Variants in COMMD1 observed in about 807,000 individuals in gnomAD.
The protein encoded by COMMD1 is copper metabolism domain containing 1.
In COMMD1, 10 loss-of-function variants were observed where a neutral mutation model predicts 17.2. The observed-to-expected ratio is 0.58, with a 90% CI of 0.36 to 0.99. The LOEUF (loss-of-function observed/expected upper bound fraction) is 0.99, where lower values mean the gene tolerates loss of function less well. Ranked by LOEUF, COMMD1 falls within the 50% of genes least tolerant of loss-of-function variation. COMMD1 has a pLI of 0.01. For missense variants in COMMD1, 270 were observed against 231.8 expected, an observed-to-expected ratio of 1.17 and a Z score of -1.07; for synonymous variants, 97 against 91.6, an observed-to-expected ratio of 1.06 and a Z score of -0.34.
intron 2 of COMMD1, among the ~76,000 whole-genome samples, chr2:62,088,488 C>T (rs1364955627): frequency 2.0e-5 from 3 of 152,166 alleles, no homozygotes; most frequent in Non-Finnish European, 4.4e-5. Flanking sequence ...AACTTATAAT[C>T]CAGGCTGGAA....
intron 2 of COMMD1, among the ~76,000 whole-genome samples, chr2:62,103,318 A>G (rs1308277429): frequency 1.3e-5 from 2 of 152,194 alleles, no homozygotes; most frequent in Non-Finnish European, 2.9e-5. Flanking sequence ...TGTTGAACCT[A>G]CACACAAAAA....
chr2:62,001,168 T>C, intron 2 of COMMD1, 186 bp downstream of exon 2: 1 of 625,260 alleles, frequency 1.6e-6, no homozygotes. Context: ...GTCTGGAAAC[T>C]AGCCTCAGGG....
At chr2:62,135,808 A>G in intron 2 of COMMD1, 23 bp from the exon 3 acceptor site, 5 of 1,247,296 alleles carry the variant, frequency 4.0e-6, no homozygotes, top group Non-Finnish European at 5.9e-6. Flanking sequence ...TTTCCCTCTA[A>G]AATATCCTTT....
intron 2 of COMMD1, among the ~76,000 whole-genome samples, chr2:62,053,631 C>T (rs560048394): frequency 6.6e-6 from 1 of 152,188 alleles, no homozygotes; most frequent in South Asian, 2.1e-4. Flanking sequence ...ATTGAATTGA[C>T]GATAATCATC....
chr2:62,041,967 G>A (rs1670222447), intron 2 of COMMD1, among the ~76,000 whole-genome samples: 1 of 152,234 alleles, frequency 6.6e-6, no homozygotes, highest in Non-Finnish European at 1.5e-5. Context: ...GAGGACCTCA[G>A]CGGCTTGCCG....
intron 2 of COMMD1, among the ~76,000 whole-genome samples, chr2:62,086,040 A>T (rs1307121826): frequency 1.3e-5 from 2 of 151,858 alleles, no homozygotes; most frequent in Non-Finnish European, 2.9e-5. Context: ...GGTGGCACAC[A>T]CCTAGTCGCA....
intron 1 of COMMD1, among the ~76,000 whole-genome samples, chr2:61,960,108 A>AAT (rs1250709703): frequency 4.3e-5 from 6 of 140,450 alleles, no homozygotes; most frequent in African/African-American, 1.2e-4. Flanking sequence ...GCTGATTTGG[A>AAT]ATATATGTGT....
intron 1 of COMMD1, among the ~76,000 whole-genome samples, chr2:61,985,038 T>C (rs1213421109): frequency 1.3e-5 from 2 of 150,330 alleles, no homozygotes; most frequent in East Asian, 3.9e-4. Context: ...AGTCTATGTG[T>C]GTCTTTTTTT....
chr2:61,893,350 T>TA (rs1303238032), intron 1 of COMMD1, among the ~76,000 whole-genome samples: 2 of 151,710 alleles, frequency 1.3e-5, no homozygotes, highest in Non-Finnish European at 2.9e-5. Context: ...TTGGCAATAG[T>TA]AAAAAATAAA....
chr2:61,984,253 T>C (rs1672041299), intron 1 of COMMD1, among the ~76,000 whole-genome samples: 1 of 152,216 alleles, frequency 6.6e-6, no homozygotes, highest in Admixed American at 6.5e-5. Flanking sequence ...CTCGAACTCC[T>C]GACCTCAGGT....
intron 2 of COMMD1, among the ~76,000 whole-genome samples, chr2:62,039,629 T>C (rs2103891787): frequency 6.6e-6 from 1 of 152,344 alleles, no homozygotes; most frequent in African/African-American, 2.4e-5. Flanking sequence ...TACGTAGTTA[T>C]GGAAATATAG....
chr2:61,894,685 AT>A (rs1328544838), intron 1 of COMMD1, among the ~76,000 whole-genome samples: 4 of 150,120 alleles, frequency 2.7e-5, no homozygotes, highest in African/African-American at 9.8e-5. Context: ...ATATTTATAT[AT>A]TTTTTAATTA....
chr2:62,079,237 T>C (rs1671447289), intron 2 of COMMD1, among the ~76,000 whole-genome samples: 1 of 152,150 alleles, frequency 6.6e-6, no homozygotes. Flanking sequence ...AGCTACTCCA[T>C]AGACACAGTA....
In COMMD1 at chr2:62,078,011, C is replaced by T. The variant is rs990688025; in HGVS notation, c.463-57820C>T. Among the ~76,000 whole-genome samples, 14 of 152,192 alleles carry T rather than the reference C, an allele frequency of 9.2e-5. No homozygotes were observed. In the East Asian group the frequency reaches 2.7e-3, roughly 29 times the overall value. ...AATTGTGGGACTGGGCATAGTGGCTCAGGCCTATAATCACAGAACTTTGGG... is the reference window on the plus strand; with the variant it reads ...AATTGTGGGACTGGGCATAGTGGCTTAGGCCTATAATCACAGAACTTTGGG... On this transcript the variant is annotated intron_variant, in intron 2 of 2. Transcript: ENST00000311832.
At chr2:62,006,048 A>G (rs532880098) in intron 2 of COMMD1, among the ~76,000 whole-genome samples, 132 of 152,002 alleles carry the variant, frequency 8.7e-4, no homozygotes, top group Middle Eastern at 3.4e-3. Flanking sequence ...CTTTGTAGGG[A>G]CATGGATGAA....
At chr2:62,103,465 TTGGCCCCTACAGTATG>T (rs1426323071) in intron 2 of COMMD1, among the ~76,000 whole-genome samples, 3 of 152,252 alleles carry the variant, frequency 2.0e-5, no homozygotes, top group African/African-American at 4.8e-5. Context: ...CAGAGGGCCC[TTGGCCCCTACAGTATG>T]TGGCCCCTAC....
chr2:62,033,524 G>C (rs1669963863), intron 2 of COMMD1, among the ~76,000 whole-genome samples: 1 of 152,054 alleles, frequency 6.6e-6, no homozygotes, highest in South Asian at 2.1e-4. Context: ...CAGGTAGACT[G>C]CTTGAGCCCA....
chr2:62,113,152 C>T (rs1351334567), intron 2 of COMMD1, among the ~76,000 whole-genome samples: 1 of 151,484 alleles, frequency 6.6e-6, no homozygotes, highest in Non-Finnish European at 1.5e-5. Context: ...CAAGACTAGC[C>T]TGGGCAACAT....
chr2:61,979,747 A>AT lies in COMMD1; in HGVS notation c.181-20941dup, dbSNP rs200234500. On this transcript the variant is annotated intron_variant, in intron 1 of 2. Transcript: ENST00000311832. ...ATTGCCTGTCTTTTGGATATAAGTC[A>AT]TTTTTTTTTTTTTATTATACTCTAA... 8.5e-3 allele frequency among the ~76,000 whole-genome samples: 1,228 copies of AT among 144,630 alleles called. 12 individuals are homozygous for AT. The highest frequency in any genetic ancestry group is 0.015 in the Middle Eastern group (4 of 274). 94.9% of individuals were successfully genotyped at this position (144,630 alleles called of 152,430 possible). A position where few individuals can be genotyped will look rare whatever the true frequency, so the allele number is the denominator to read the frequency against.
Sources: allele counts gnomAD v4.1 joint callset (sites outside exome capture counted in the v4.1 genomes callset), GRCh38; gene constraint gnomAD v4.1.1; transcripts MANE v1.5; gene names NCBI Gene and HGNC (gene_info 2026-07-23, HGNC 2026-07-21).